Variants in STRADA observed in about 807,000 individuals in gnomAD.
STRADA encodes STE20-related kinase adapter protein alpha.
In STRADA, 26 loss-of-function variants were observed where a neutral mutation model predicts 55.0. That is an observed-to-expected ratio of 0.47 (90% CI 0.35 to 0.66). The LOEUF (loss-of-function observed/expected upper bound fraction) is 0.66, where lower values mean the gene tolerates loss of function less well. STRADA is among the 30% of genes least tolerant of loss of function. The pLI, the probability that STRADA is intolerant of heterozygous loss-of-function variation, is 0.01. For missense variants in STRADA, 443 were observed against 549.7 expected, an observed-to-expected ratio of 0.81 and a Z score of 1.94; for synonymous variants, 197 against 210.9, an observed-to-expected ratio of 0.93 and a Z score of 0.57.
Position 63,731,298 on chromosome 17 carries a change from A to G in STRADA, c.-44-2885T>C, listed in dbSNP as rs1296135887. ...TTTTTTTCTGAGACGGAGTCTTGCC[A>G]TGTCACCAGGCTGGAGTGCAGTGGC... On this transcript the variant is annotated intron_variant, in intron 1 of 12. Coordinates refer to ENST00000336174, the MANE Select transcript of STRADA (RefSeq NM_001003787.4). 3.0e-5 allele frequency among the ~76,000 whole-genome samples: 3 copies of G among 99,642 alleles called. No individual in the cohort carries two copies. The East Asian group carries it at 9.1e-4, about 30-fold the overall frequency. The allele number at this position is 99,642 out of a possible 152,430, so 65.4% of individuals were successfully genotyped here.
At chr17:63,730,865 G>C (rs987146667) in intron 1 of STRADA, among the ~76,000 whole-genome samples, 2 of 151,738 alleles carry the variant, frequency 1.3e-5, no homozygotes, top group African/African-American at 4.8e-5. Context: ...CTGGTCTCAA[G>C]CTCTTGAGCT....
At chr17:63,714,466 G>A (rs963830661) in intron 4 of STRADA, 3 of 324,932 alleles carry the variant, frequency 9.2e-6, no homozygotes, top group Admixed American at 8.4e-5. Flanking sequence ...AGAAGCAGGT[G>A]GAGAGGTAGG....
At chr17:63,704,804 G>A in intron 10 of STRADA, 2 of 1,534,944 alleles carry the variant, frequency 1.3e-6, no homozygotes, top group Non-Finnish European at 1.7e-6. Context: ...AAAGGAGAGG[G>A]GTTGCACAAA....
Position 63,704,321 on chromosome 17 carries a change from G to A in STRADA, c.1100+20C>T, listed in dbSNP as rs772988514. On this transcript the variant is annotated intron_variant, in intron 11 of 12. Transcript: ENST00000336174. ...CACCCTCTGCTCTCCCGAAGCCCAG[G>A]CCCAGGCCAGCAGGGATACCTGGCA... 6 of 1,611,138 alleles carry A rather than the reference G, an allele frequency of 3.7e-6. No homozygotes were observed. The Admixed American group carries it at 6.7e-5, about 18-fold the overall frequency.
rs1218687719 is a variant in STRADA, at chr17:63,717,690, T to A, written c.124-3582A>T. 2.6e-5 allele frequency among the ~76,000 whole-genome samples: 4 copies of A among 152,256 alleles called. No homozygotes were observed. The East Asian group carries it at 7.7e-4, about 29-fold the overall frequency. ...CAGGGTTTCACCATGTTGGCCAGAT[T>A]GGTCTCGAACTCCTGACTTCAAGTG... is the stretch of plus-strand genomic sequence containing the variant. On this transcript the variant is annotated intron_variant, in intron 4 of 12. Transcript: ENST00000336174.
Position 63,723,343 on chromosome 17 carries a change from G to A in STRADA, c.95-17C>T. 1 of 1,614,142 alleles carries A rather than the reference G, an allele frequency of 6.2e-7. No individual in the cohort carries two copies. The stretch of plus-strand genomic sequence containing the variant: ...GAGGCTGCTCTGGGGTAGAGAAATT[G>A]ATTGTTGGCATTTTGTGTTTTAGCA... On this transcript the variant is annotated splice_polypyrimidine_tract_variant and intron_variant, in intron 3 of 12. Transcript: ENST00000336174.
rs529800741 is a variant in STRADA, at chr17:63,703,560, T to A, written c.*39A>T. 11 of 1,587,746 alleles carry A rather than the reference T, an allele frequency of 6.9e-6. No individual in the cohort carries two copies. In the African/African-American group the frequency reaches 8.1e-5, roughly 12 times the overall value. On this transcript the variant is annotated 3_prime_UTR_variant, in exon 13 of 13. Coordinates refer to ENST00000336174, the MANE Select transcript of STRADA (RefSeq NM_001003787.4). ...TCAGGAAGGGCCTCTGGGTGGCCTCTGCATCCCTGGCTGGAGAATGCGCAC... is the reference window on the plus strand; with the variant it reads ...TCAGGAAGGGCCTCTGGGTGGCCTCAGCATCCCTGGCTGGAGAATGCGCAC...
At chr17:63,732,265 A>G (rs1189093583) in intron 1 of STRADA, among the ~76,000 whole-genome samples, 2 of 152,080 alleles carry the variant, frequency 1.3e-5, no homozygotes, top group African/African-American at 4.8e-5. Context: ...TCGGCCTCCC[A>G]AAGTGCTAGG....
At chr17:63,740,107 T>TATATATATATATATATATACAC (rs1309095081) in intron 1 of STRADA, among the ~76,000 whole-genome samples, 1,870 of 49,456 alleles carry the variant, frequency 0.038, 186 homozygotes, top group Non-Finnish European at 0.051. Flanking sequence ...TATATATATA[T>TATATATATATATATATATACAC]ACATACATAC....
intron 1 of STRADA, among the ~76,000 whole-genome samples, chr17:63,732,354 C>G (rs879534492): frequency 7.2e-5 from 11 of 152,142 alleles, no homozygotes; most frequent in Non-Finnish European, 1.3e-4. Context: ...GGGTCTTGCT[C>G]TGTCACCTAG....
Position 63,704,443 on chromosome 17 carries a change from C to G in STRADA, c.998G>C (p.Arg333Pro). ...GGAGGGCGAGTCACCGTTGGAGGGC[C>G]GGGGGGTGCTGGTGGTCAGGCTGTC... ...LSDSLTTSTP[R>P]PSNGDSPSHP... The change falls in exon 11 of 13, where the codon CGG becomes CCG. Residue 333 changes from arginine to proline, a missense_variant. Physicochemically the swap from Arg to Pro is moderately radical, Grantham distance 103 (BLOSUM62 -2). Transcript: ENST00000336174. 6.2e-7 allele frequency: 1 copy of G among 1,610,324 alleles called. No homozygotes were observed. Among genetic ancestry groups the G allele is most frequent in the South Asian group, 1.1e-5 (1 of 90,946 alleles).
chr17:63,707,518 C>T (rs1299380857), intron 8 of STRADA, 100 bp from the exon 9 acceptor site: 15 of 1,137,082 alleles, frequency 1.3e-5, no homozygotes, highest in African/African-American at 3.1e-5. Flanking sequence ...CTCCTGTGTG[C>T]GTGTGTTATA....
chr17:63,730,791 T>C (rs904017429), intron 1 of STRADA, among the ~76,000 whole-genome samples: 6 of 151,718 alleles, frequency 4.0e-5, no homozygotes, highest in African/African-American at 1.5e-4. Context: ...GAACCCTTGA[T>C]CTCAGGTGAT....
intron 1 of STRADA, among the ~76,000 whole-genome samples, chr17:63,729,960 C>T (rs1357089095): frequency 2.0e-5 from 3 of 151,800 alleles, no homozygotes. Flanking sequence ...GCCCCAGCCT[C>T]CAGAGTAGCT....
chr17:63,703,298 C>G lies in STRADA; in HGVS notation c.*301G>C. ...AACCCTGGGCTTGGAATTCAGCTCC[C>G]AGGGCCAGAGCAGCATCTCTCTTCT... On this transcript the variant is annotated 3_prime_UTR_variant, in exon 13 of 13. Transcript: ENST00000336174. The G allele has an allele frequency of 3.6e-6, 1 of 276,420 alleles. No homozygotes were observed. Among genetic ancestry groups the G allele is most frequent in the Non-Finnish European group, 6.9e-6 (1 of 145,386 alleles). 17.1% of individuals were successfully genotyped at this position (276,420 alleles called of 1,614,324 possible).
In STRADA at chr17:63,706,669, C is replaced by T; in HGVS notation, c.824G>A (p.Gly275Asp). 1 of 1,614,002 alleles carries T rather than the reference C, an allele frequency of 6.2e-7. No homozygotes were observed. Among genetic ancestry groups the T allele is most frequent in the Non-Finnish European group, 8.5e-7 (1 of 1,179,878 alleles). ...AGGCATATCCTTAAAGGGGACATGG[C>T]CGTTGGCCAGTTCACAGGCTGTGAT... is the stretch of plus-strand genomic sequence containing the variant. ...VGITACELANGHVPFKDMPAT... is the reference protein window; with the variant it reads ...VGITACELANDHVPFKDMPAT... The change falls in exon 10 of 13, where the codon GGC (glycine) becomes GAC (aspartate). Residue 275 changes from glycine (G) to aspartate (D), a missense_variant. Gly to Asp is a moderately conservative substitution (Grantham distance 94, BLOSUM62 -1). Coordinates refer to ENST00000336174, the MANE Select transcript of STRADA (RefSeq NM_001003787.4).
chr17:63,739,191 G>A (rs2038685127), intron 1 of STRADA, among the ~76,000 whole-genome samples: 1 of 148,110 alleles, frequency 6.8e-6, no homozygotes, highest in Admixed American at 6.7e-5. Flanking sequence ...GATGGAGAGA[G>A]ATAGAGATGA....
At chr17:63,734,977 G>A (rs578156200) in intron 1 of STRADA, among the ~76,000 whole-genome samples, 1 of 152,266 alleles carries the variant, frequency 6.6e-6, no homozygotes, top group East Asian at 1.9e-4. Context: ...GACCAACAGG[G>A]AGAAACCCCG....
At chr17:63,715,841 A>G (rs2036837162) in intron 4 of STRADA, among the ~76,000 whole-genome samples, 1 of 152,192 alleles carries the variant, frequency 6.6e-6, no homozygotes, top group South Asian at 2.1e-4. Context: ...GCTGTATCAT[A>G]TATTCAGCAC....
Sources: allele counts gnomAD v4.1 joint callset (sites outside exome capture counted in the v4.1 genomes callset), GRCh38; gene constraint gnomAD v4.1.1; transcripts MANE v1.5; gene names NCBI Gene and HGNC (gene_info 2026-07-23, HGNC 2026-07-21).